The following PPP4R2 variants were observed in gnomAD, a reference collection of about 807,000 sequenced individuals.
PPP4R2 encodes the protein protein phosphatase 4 regulatory subunit 2.
Under a neutral mutation model 47.2 loss-of-function variants are expected in PPP4R2, and 13 were observed. The ratio of observed to expected loss-of-function variants is 0.28; its 90% CI spans 0.18 to 0.44. The LOEUF is 0.44. Among genes scored for constraint, PPP4R2 ranks in the 20% least tolerant of loss-of-function variants. PPP4R2 has a pLI of 1.00. For missense variants in PPP4R2, 421 were observed against 491.2 expected (o/e 0.86, Z 1.35); for synonymous variants, 151 against 163.3 (o/e 0.92, Z 0.57).
At chr3:73,045,641 C>T (rs1702468539) in intron 2 of PPP4R2, among the ~76,000 whole-genome samples, 2 of 151,612 alleles carry the variant, frequency 1.3e-5, no homozygotes, top group African/African-American at 4.9e-5. Flanking sequence ...TTCTCCTTGC[C>T]TCAGCCTCCT....
chr3:73,018,583 A>G (rs916697159), intron 2 of PPP4R2, among the ~76,000 whole-genome samples: 2 of 150,460 alleles, frequency 1.3e-5, no homozygotes, highest in African/African-American at 4.9e-5. Context: ...CCTCCCATGT[A>G]GTGTCTTGGT....
At chr3:73,056,844 C>T (rs1052935277) in intron 3 of PPP4R2, among the ~76,000 whole-genome samples, 2 of 152,090 alleles carry the variant, frequency 1.3e-5, no homozygotes, top group Non-Finnish European at 2.9e-5. Context: ...AAATATTCAT[C>T]TGTTAAAACT....
At chr3:73,014,481 C>G (rs1189614128) in intron 2 of PPP4R2, among the ~76,000 whole-genome samples, 1 of 151,976 alleles carries the variant, frequency 6.6e-6, no homozygotes. Flanking sequence ...GAGATGGGGT[C>G]TTGCTCAGGC....
intron 2 of PPP4R2, among the ~76,000 whole-genome samples, chr3:73,024,617 A>G (rs1480771600): frequency 6.6e-6 from 1 of 152,168 alleles, no homozygotes; most frequent in Non-Finnish European, 1.5e-5. Context: ...TTGAAAGCCC[A>G]AAGGAGTTTC....
chr3:73,027,777 A>T (rs751216613), intron 2 of PPP4R2: 3 of 151,804 alleles, frequency 2.0e-5, no homozygotes, highest in Non-Finnish European at 4.4e-5. Flanking sequence ...AAATAAGAAA[A>T]AGGGTAAGGG....
intron 2 of PPP4R2, among the ~76,000 whole-genome samples, chr3:73,014,469 T>C (rs1701783954): frequency 1.3e-5 from 2 of 152,040 alleles, no homozygotes; most frequent in Admixed American, 6.6e-5. Flanking sequence ...AATTTTTTTG[T>C]AGAGATGGGG....
intron 2 of PPP4R2, among the ~76,000 whole-genome samples, chr3:73,011,899 G>A (rs1317340989): frequency 2.0e-5 from 3 of 152,136 alleles, no homozygotes; most frequent in African/African-American, 7.2e-5. Context: ...CCATTTGTAG[G>A]TGATGAAACT....
chr3:73,037,543 A>G (rs1393975299), intron 2 of PPP4R2, among the ~76,000 whole-genome samples: 3 of 152,298 alleles, frequency 2.0e-5, no homozygotes, highest in Non-Finnish European at 2.9e-5. Context: ...TTGCTGCTAG[A>G]TAGAGGTCAG....
rs867415596 is a variant in PPP4R2, at chr3:72,997,678, G to C, written c.35-399G>C. 3.3e-5 allele frequency among the ~76,000 whole-genome samples: 5 copies of C among 152,276 alleles called. No homozygotes were observed. In the South Asian group the frequency reaches 6.2e-4, roughly 19 times the overall value. On this transcript the variant is annotated intron_variant, in intron 1 of 8. Transcript: ENST00000356692. ...TATTCTTTGACATTCAGAATCATTT[G>C]GGGACGGCAACTTGGGGTAGTTGGT...
Position 73,066,836 on chromosome 3 carries a change from T to C in PPP4R2, c.*1114T>C, listed in dbSNP as rs1408195320. 6.6e-6 allele frequency: 1 copy of C among 152,144 alleles called. No individual in the cohort carries two copies. The highest frequency in any genetic ancestry group is 2.4e-5 in the African/African-American group (1 of 41,458). 9.4% of individuals were successfully genotyped at this position (152,144 alleles called of 1,614,324 possible). On this transcript the variant is annotated 3_prime_UTR_variant, in exon 9 of 9. Coordinates refer to ENST00000356692, the MANE Select transcript of PPP4R2 (RefSeq NM_174907.4). ...AAACCACCATAATTTGTATGACATTTTGAAGTGAATTAAATATTTTTGAAC... is the reference window on the plus strand; with the variant it reads ...AAACCACCATAATTTGTATGACATTCTGAAGTGAATTAAATATTTTTGAAC...
intron 5 of PPP4R2, chr3:73,062,961 A>C (rs1056675857): frequency 8.5e-6 from 12 of 1,418,812 alleles, no homozygotes; most frequent in Non-Finnish European, 1.1e-5. Flanking sequence ...AGATCAGTGC[A>C]TGGATGGCTC....
At chr3:73,024,204 A>G (rs1056438988) in intron 2 of PPP4R2, among the ~76,000 whole-genome samples, 2 of 152,308 alleles carry the variant, frequency 1.3e-5, no homozygotes, top group African/African-American at 2.4e-5. Flanking sequence ...GAACATTTAT[A>G]TATTTTGAAG....
At chr3:73,007,345 G>A (rs571901744) in intron 2 of PPP4R2, among the ~76,000 whole-genome samples, 1 of 152,108 alleles carries the variant, frequency 6.6e-6, no homozygotes, top group Non-Finnish European at 1.5e-5. Context: ...AAAATAAAAG[G>A]TGGTTTAAAA....
At chr3:73,058,922 T>G (rs1702786452) in intron 3 of PPP4R2, 115 bp from the exon 4 acceptor site, 1 of 602,732 alleles carries the variant, frequency 1.7e-6, no homozygotes, top group African/African-American at 2.0e-5. Context: ...TAGCATTTTC[T>G]TTTGTAGCTT....
Position 73,062,455 on chromosome 3 carries a change from G to A in PPP4R2, c.420-1218G>A. 1 of 1,612,370 alleles carries A rather than the reference G, an allele frequency of 6.2e-7. No individual in the cohort carries two copies. Among genetic ancestry groups the A allele is most frequent in the Non-Finnish European group, 8.5e-7 (1 of 1,179,200 alleles). On this transcript the variant is annotated intron_variant, in intron 5 of 8. Transcript: ENST00000356692. The stretch of plus-strand genomic sequence containing the variant: ...TCTCATTTCCACCCTGTGACCCCAA[G>A]TTTAGTATTCTTGTGTTTCATATTT...
At chr3:73,011,342 A>G (rs1018126764) in intron 2 of PPP4R2, among the ~76,000 whole-genome samples, 8 of 152,128 alleles carry the variant, frequency 5.3e-5, no homozygotes, top group Non-Finnish European at 7.4e-5. Context: ...TTAGCTGGGC[A>G]TGGTGGCAGG....
In PPP4R2 at chr3:73,058,567, T is replaced by G. The variant is rs199742652; in HGVS notation, c.288-470T>G. On this transcript the variant is annotated intron_variant, in intron 3 of 8. Transcript: ENST00000356692. ...TAGGTTTACATATTTATGGGGTACA[T>G]GAGATATTTTGATAGAGCCATACAA... Among the ~76,000 whole-genome samples, 18 of 152,158 alleles carry G rather than the reference T, an allele frequency of 1.2e-4. No homozygotes were observed. The East Asian group carries it at 1.4e-3, about 11-fold the overall frequency.
At chr3:73,057,042 A>G (rs1702744111) in intron 3 of PPP4R2, among the ~76,000 whole-genome samples, 1 of 152,132 alleles carries the variant, frequency 6.6e-6, no homozygotes, top group African/African-American at 2.4e-5. Flanking sequence ...CAGTATCACT[A>G]TGGGGTGATT....
Position 72,999,504 on chromosome 3 carries a change from G to A in PPP4R2, c.116+1346G>A, listed in dbSNP as rs532582782. ...AGCATTTTACTTTTGGCTGTTTTTT[G>A]ATATACAAGATGATATCAAACTATT... On this transcript the variant is annotated intron_variant, in intron 2 of 8. Transcript: ENST00000356692. Among the ~76,000 whole-genome samples the A allele has an allele frequency of 6.6e-5, 10 of 152,274 alleles. No homozygotes were observed. In the South Asian group the frequency reaches 1.9e-3, roughly 28 times the overall value.
Sources: gnomAD v4.1 joint callset for allele counts (sites outside exome capture counted in the v4.1 genomes callset) on GRCh38, gnomAD v4.1.1 for gene constraint, MANE v1.5 for transcripts, NCBI Gene and HGNC (gene_info 2026-07-23, HGNC 2026-07-21) for gene names.